Variants in EPHA6 observed in about 807,000 individuals in gnomAD.
EPHA6 encodes EPH receptor A6.
A neutral mutation model predicts 112.0 loss-of-function variants in EPHA6; 50 were observed. The ratio of observed to expected loss-of-function variants is 0.45; its 90% CI spans 0.36 to 0.56. The LOEUF (loss-of-function observed/expected upper bound fraction) is 0.56, where lower values mean the gene tolerates loss of function less well. Ranked by LOEUF, EPHA6 falls within the 20% of genes least tolerant of loss-of-function variation. The probability of loss-of-function intolerance (pLI) is 0.00; values close to 1 mark genes in which losing one functional copy is unlikely to be tolerated. For synonymous variants in EPHA6, 529 were observed against 490.7 expected (o/e 1.08, Z -1.03); for missense variants, 1,280 against 1,417.4 (o/e 0.90, Z 1.56).
chr3:97,315,504 A>G (rs1309105049), intron 5 of EPHA6, among the ~76,000 whole-genome samples: 1 of 151,704 alleles, frequency 6.6e-6, no homozygotes, highest in South Asian at 2.1e-4. Flanking sequence ...AAACTTGTCT[A>G]TGAAGAGAAA....
At chr3:97,237,890 G>T (rs940975008) in intron 4 of EPHA6, among the ~76,000 whole-genome samples, 9 of 151,778 alleles carry the variant, frequency 5.9e-5, no homozygotes, top group African/African-American at 1.7e-4. Context: ...CTAAGGCCAG[G>T]TCCTCATTAT....
chr3:96,868,159 CGTGTGT>C (rs753000378), intron 2 of EPHA6, among the ~76,000 whole-genome samples: 1 of 142,166 alleles, frequency 7.0e-6, no homozygotes, highest in Non-Finnish European at 1.5e-5. Context: ...TGTGTGTGTG[CGTGTGT>C]GTGTGTGTGT....
intron 13 of EPHA6, among the ~76,000 whole-genome samples, chr3:97,621,640 T>C (rs905733142): frequency 2.0e-5 from 3 of 151,644 alleles, no homozygotes; most frequent in Non-Finnish European, 4.4e-5. Flanking sequence ...ATGGATGGAA[T>C]ACCCAAAGGT....
chr3:97,421,059 C>T (rs771946951), intron 6 of EPHA6, among the ~76,000 whole-genome samples: 10 of 151,950 alleles, frequency 6.6e-5, no homozygotes, highest in Non-Finnish European at 1.3e-4. Flanking sequence ...ACTTCTTTAA[C>T]ATAATTCAGA....
chr3:97,422,530 G>C (rs1222716639), intron 6 of EPHA6, among the ~76,000 whole-genome samples: 1 of 152,062 alleles, frequency 6.6e-6, no homozygotes, highest in Non-Finnish European at 1.5e-5. Flanking sequence ...ACTGATCATT[G>C]AAATAGAAAA....
chr3:97,498,655 T>A (rs1169916953), intron 10 of EPHA6, among the ~76,000 whole-genome samples: 4 of 152,294 alleles, frequency 2.6e-5, no homozygotes, highest in Non-Finnish European at 5.9e-5. Context: ...CTTTTTCCTT[T>A]ACTCTATAAC....
chr3:97,183,862 C>A (rs967567283), intron 3 of EPHA6, among the ~76,000 whole-genome samples: 2 of 152,080 alleles, frequency 1.3e-5, no homozygotes, highest in Admixed American at 6.6e-5. Context: ...TCTGCAGAAG[C>A]TGATATGCCT....
chr3:97,616,661 C>A (rs1486214091), intron 13 of EPHA6, among the ~76,000 whole-genome samples: 1 of 151,532 alleles, frequency 6.6e-6, no homozygotes, highest in Admixed American at 6.6e-5. Flanking sequence ...GCAGAATAGA[C>A]CAAATAGAGG....
At chr3:96,941,759 C>T (rs921253307) in intron 2 of EPHA6, among the ~76,000 whole-genome samples, 3 of 152,236 alleles carry the variant, frequency 2.0e-5, no homozygotes, top group East Asian at 1.9e-4. Flanking sequence ...ATGATGGTGA[C>T]GTACAGATGG....
At chr3:96,930,631 G>A (rs534218820) in intron 2 of EPHA6, among the ~76,000 whole-genome samples, 2 of 152,242 alleles carry the variant, frequency 1.3e-5, no homozygotes, top group African/African-American at 4.8e-5. Context: ...GCCTGTAGGA[G>A]GTGGCCGGAG....
chr3:97,693,018 G>A (rs1055366400), intron 14 of EPHA6, among the ~76,000 whole-genome samples: 6 of 152,250 alleles, frequency 3.9e-5, no homozygotes, highest in Admixed American at 2.0e-4. Flanking sequence ...CTGGTGTCTC[G>A]GAGAAGGACA....
chr3:97,503,758 G>A (rs1450079353), intron 10 of EPHA6, among the ~76,000 whole-genome samples: 1 of 152,108 alleles, frequency 6.6e-6, no homozygotes, highest in Non-Finnish European at 1.5e-5. Context: ...TTTATGTTAA[G>A]TATGAATTTT....
intron 3 of EPHA6, among the ~76,000 whole-genome samples, chr3:97,221,694 A>C (rs1187515850): frequency 6.6e-6 from 1 of 152,200 alleles, no homozygotes; most frequent in Non-Finnish European, 1.5e-5. Context: ...GTTCGGTATT[A>C]GCATTCACCA....
At chr3:97,299,981 T>G (rs1355009827) in intron 5 of EPHA6, among the ~76,000 whole-genome samples, 1 of 152,152 alleles carries the variant, frequency 6.6e-6, no homozygotes, top group Non-Finnish European at 1.5e-5. Flanking sequence ...TATAGTATAA[T>G]AGGAAAATTA....
rs1312307566 is a variant in EPHA6, at chr3:97,287,515, G to A, written c.1606+43228G>A. Among the ~76,000 whole-genome samples, 6 of 152,030 alleles carry A rather than the reference G, an allele frequency of 3.9e-5. No individual in the cohort carries two copies. The South Asian group carries it at 1.0e-3, about 26-fold the overall frequency. ...CAAAAAAAAACTAGGCAAAGAAGGAGCATACGTTAACATAATAATGGCCTT... is the reference window on the plus strand; with the variant it reads ...CAAAAAAAAACTAGGCAAAGAAGGAACATACGTTAACATAATAATGGCCTT... On this transcript the variant is annotated intron_variant, in intron 5 of 17. Coordinates refer to ENST00000389672, the MANE Select transcript of EPHA6 (RefSeq NM_001080448.3).
At chr3:97,399,252 A>C (rs2086853171) in intron 5 of EPHA6, among the ~76,000 whole-genome samples, 1 of 151,572 alleles carries the variant, frequency 6.6e-6, no homozygotes, top group African/African-American at 2.4e-5. Context: ...AGGCTCATCC[A>C]TGTTGCCATA....
intron 3 of EPHA6, among the ~76,000 whole-genome samples, chr3:97,166,052 C>A (rs965894166): frequency 6.6e-6 from 1 of 152,062 alleles, no homozygotes; most frequent in Admixed American, 6.6e-5. Context: ...CTTAGAATAT[C>A]TAATGGACCA....
chr3:97,140,547 A>T (rs7626454), intron 3 of EPHA6, among the ~76,000 whole-genome samples: 6,093 of 152,232 alleles, frequency 0.04, 365 homozygotes, highest in African/African-American at 0.13. Context: ...AAAGACAAAA[A>T]ATGCCAGCCC....
intron 13 of EPHA6, among the ~76,000 whole-genome samples, chr3:97,630,582 A>G (rs2093894403): frequency 6.6e-6 from 1 of 152,044 alleles, no homozygotes; most frequent in South Asian, 2.1e-4. Context: ...GTCATTTATA[A>G]ATCAATTGTT....
Sources: gnomAD v4.1 joint callset for allele counts (sites outside exome capture counted in the v4.1 genomes callset) on GRCh38, gnomAD v4.1.1 for gene constraint, MANE v1.5 for transcripts, NCBI Gene and HGNC (gene_info 2026-07-23, HGNC 2026-07-21) for gene names.